Variants in SH3GL3 observed in about 807,000 individuals in gnomAD.
SH3GL3 encodes SH3 domain containing GRB2 like 3, endophilin A3, also known as endophilin-A3.
In SH3GL3, 33 loss-of-function variants were observed where a neutral mutation model predicts 47.7. The ratio of observed to expected loss-of-function variants is 0.69; its 90% CI spans 0.52 to 0.92. SH3GL3 has a LOEUF of 0.92. Ranked by LOEUF, SH3GL3 falls within the 40% of genes least tolerant of loss-of-function variation. The pLI, the probability that SH3GL3 is intolerant of heterozygous loss-of-function variation, is 0.00. For missense variants in SH3GL3, 363 were observed against 417.8 expected (o/e 0.87, Z 1.14); for synonymous variants, 155 against 148.8 (o/e 1.04, Z -0.30).
chr15:83,557,274 C>G (rs1003997353), intron 1 of SH3GL3, among the ~76,000 whole-genome samples: 1 of 152,288 alleles, frequency 6.6e-6, no homozygotes, highest in Middle Eastern at 3.4e-3. Context: ...GATTTCACTA[C>G]TGAACAACAA....
chr15:83,505,560 C>G (rs1315675455), intron 1 of SH3GL3, among the ~76,000 whole-genome samples: 1 of 131,890 alleles, frequency 7.6e-6, no homozygotes, highest in Non-Finnish European at 1.5e-5. Context: ...TGGAGTCTCA[C>G]TCTCTCATCC....
rs765607982 is a variant in SH3GL3 at position 83,489,881 on chromosome 15, AGATAGAT to A, written c.45+42304_45+42310del. 6.0e-3 allele frequency among the ~76,000 whole-genome samples: 895 copies of A among 149,288 alleles called. 8 individuals are homozygous for A. The highest frequency in any genetic ancestry group is 0.021 in the African/African-American group (860 of 40,232). On this transcript the variant is annotated intron_variant, in intron 1 of 8. Transcript: ENST00000427482. ...TAGATAGATAGATAGATAGATAGATAGATAGATAATAGATAGATAGATAATAGATAGA... is the reference window on the plus strand; with the variant it reads ...TAGATAGATAGATAGATAGATAGATAAATAGATAGATAGATAATAGATAGA...
At chr15:83,458,156 C>G (rs965610763) in intron 1 of SH3GL3, among the ~76,000 whole-genome samples, 1 of 152,174 alleles carries the variant, frequency 6.6e-6, no homozygotes, top group African/African-American at 2.4e-5. Context: ...GAATCTTTAG[C>G]AGCAAAATGT....
chr15:83,618,984 C>G (rs2060895965), downstream of SH3GL3, among the ~76,000 whole-genome samples: 1 of 152,196 alleles, frequency 6.6e-6, no homozygotes, highest in South Asian at 2.1e-4. Context: ...CAAGCTTCTG[C>G]TGCTGCCATA....
chr15:83,602,559 G>A (rs2060414346), intron 8 of SH3GL3, among the ~76,000 whole-genome samples: 1 of 152,116 alleles, frequency 6.6e-6, no homozygotes, highest in Non-Finnish European at 1.5e-5. Flanking sequence ...TAATTCTCAT[G>A]ACCTAATCAC....
At chr15:83,575,997 C>T (rs928625513) in intron 5 of SH3GL3, among the ~76,000 whole-genome samples, 2 of 152,052 alleles carry the variant, frequency 1.3e-5, no homozygotes, top group East Asian at 1.9e-4. Context: ...TTTGTTAAAG[C>T]GGTTATAATA....
chr15:83,515,916 C>T (rs1228922116), intron 1 of SH3GL3, among the ~76,000 whole-genome samples: 2 of 152,086 alleles, frequency 1.3e-5, no homozygotes, highest in Admixed American at 6.5e-5. Context: ...GTAAAAATAT[C>T]GTTATGTTGA....
chr15:83,478,784 C>G (rs2041211434), intron 1 of SH3GL3, among the ~76,000 whole-genome samples: 1 of 152,162 alleles, frequency 6.6e-6, no homozygotes, highest in Non-Finnish European at 1.5e-5. Flanking sequence ...ACGGTGGACT[C>G]AACTTTGGGG....
chr15:83,468,179 G>A lies in SH3GL3; in HGVS notation c.45+20601G>A, dbSNP rs113816643. 8.1e-4 allele frequency among the ~76,000 whole-genome samples: 124 copies of A among 152,280 alleles called. 1 individual carries two copies. The highest frequency in any genetic ancestry group is 2.8e-3 in the African/African-American group (118 of 41,558). Reference sequence around the variant, plus strand: ...GTCCATGTATTTATTGCTAGTGTATGAAGATATAATTGTTTTTGTACGTTT... The same window carrying A: ...GTCCATGTATTTATTGCTAGTGTATAAAGATATAATTGTTTTTGTACGTTT... On this transcript the variant is annotated intron_variant, in intron 1 of 8. Coordinates refer to ENST00000427482, the MANE Select transcript of SH3GL3 (RefSeq NM_003027.5).
chr15:83,469,334 AT>A (rs1379832571), intron 1 of SH3GL3, among the ~76,000 whole-genome samples: 1 of 151,736 alleles, frequency 6.6e-6, no homozygotes, highest in East Asian at 1.9e-4. Context: ...TTCTGCCCTT[AT>A]CCTTATTATT....
In SH3GL3 at chr15:83,551,272, G is replaced by A. The variant is rs144960982; in HGVS notation, c.46-7981G>A. Among the ~76,000 whole-genome samples, 353 of 152,312 alleles carry A rather than the reference G, an allele frequency of 2.3e-3. 2 individuals are homozygous for A. Among genetic ancestry groups the A allele is most frequent in the African/African-American group, 8.1e-3 (337 of 41,574 alleles). ...TGTAGCACCAAGGCAACCTGAGATA[G>A]GTCTAATTTGCAGCATAAATCTTCT... On this transcript the variant is annotated intron_variant, in intron 1 of 8. Transcript: ENST00000427482.
chr15:83,615,631 G>GC (rs1264612093), intron 8 of SH3GL3, among the ~76,000 whole-genome samples: 1 of 152,042 alleles, frequency 6.6e-6, no homozygotes, highest in East Asian at 1.9e-4. Flanking sequence ...TTATTATAAA[G>GC]CCACAGTATT....
chr15:83,566,311 A>G lies in SH3GL3; in HGVS notation c.187+1105A>G, dbSNP rs189044916. Among the ~76,000 whole-genome samples, 318 of 151,010 alleles carry G rather than the reference A, an allele frequency of 2.1e-3. 1 individual carries two copies. Among genetic ancestry groups the G allele is most frequent in the Admixed American group, 0.014 (211 of 15,136 alleles). ...TGGCTCTCACCCACATACCTGCTGC[A>G]TCCCACATCCCCCTCCAACAGTGGG... On this transcript the variant is annotated intron_variant, in intron 3 of 8. Transcript: ENST00000427482.
chr15:83,567,024 G>A (rs1280971302), intron 3 of SH3GL3, among the ~76,000 whole-genome samples: 6 of 152,212 alleles, frequency 3.9e-5, no homozygotes, highest in Admixed American at 2.6e-4. Flanking sequence ...GAAAAAAAGT[G>A]TATCTCTTGA....
chr15:83,447,489 C>T lies in SH3GL3; in HGVS notation c.-45C>T. On this transcript the variant is annotated 5_prime_UTR_variant, in exon 1 of 9. Transcript: ENST00000427482. This position sits in a 1 kb window ranked among gnomAD's most constrained non-coding sequence, Gnocchi z 5.1. ...CCGAGCGCGTCGCGGCCGCGTGGCC[C>T]AGCCGAGCCTTGAGACCACCCCGCC... The T allele has an allele frequency of 6.8e-7, 1 of 1,468,872 alleles. No homozygotes were observed. The highest frequency in any genetic ancestry group is 9.0e-7 in the Non-Finnish European group (1 of 1,105,348). 91.0% of individuals were successfully genotyped at this position (1,468,872 alleles called of 1,614,324 possible). A position where few individuals can be genotyped will look rare whatever the true frequency, so the allele number is the denominator to read the frequency against.
the SH3GL3 span, among the ~76,000 whole-genome samples, chr15:83,632,470 T>C: frequency 6.6e-6 from 1 of 152,224 alleles, no homozygotes; most frequent in Admixed American, 6.5e-5. Flanking sequence ...TATTAGTCTA[T>C]TCTCACACTG....
chr15:83,572,064 G>C (rs12907242), intron 4 of SH3GL3, among the ~76,000 whole-genome samples: 8,910 of 152,286 alleles, frequency 0.059, 363 homozygotes, highest in Middle Eastern at 0.095. Context: ...AGAGAGGGCA[G>C]GGAGGCTTAG....
chr15:83,534,650 A>G (rs2642820), intron 1 of SH3GL3, among the ~76,000 whole-genome samples: 74,753 of 151,994 alleles, frequency 0.49, 18,845 homozygotes, highest in East Asian at 0.74. Flanking sequence ...GGTCCTAAAA[A>G]CAAAACATTC....
chr15:83,449,119 G>C (rs2039601695), intron 1 of SH3GL3, among the ~76,000 whole-genome samples: 1 of 152,178 alleles, frequency 6.6e-6, no homozygotes, highest in South Asian at 2.1e-4. Context: ...GTTAAAGGCA[G>C]ACTCTAGACA....
Sources: allele counts gnomAD v4.1 joint callset (sites outside exome capture counted in the v4.1 genomes callset), GRCh38; gene constraint gnomAD v4.1.1; non-coding constraint Gnocchi (gnomAD v3.1); transcripts MANE v1.5; gene names NCBI Gene and HGNC (gene_info 2026-07-23, HGNC 2026-07-21).